The following KCTD21 variants were observed in gnomAD, a reference collection of about 807,000 sequenced individuals.
The protein encoded by KCTD21 is potassium channel tetramerization domain containing 21.
In KCTD21, 9 loss-of-function variants were observed where a neutral mutation model predicts 13.2. The observed-to-expected ratio is 0.68, with a 90% CI of 0.41 to 1.19. KCTD21 has a LOEUF of 1.19. KCTD21 is among the 50% of genes most tolerant of loss of function. KCTD21 has a pLI of 0.01. For missense variants in KCTD21, 303 were observed against 336.5 expected, an observed-to-expected ratio of 0.90 and a Z score of 0.78; for synonymous variants, 142 against 137.4, an observed-to-expected ratio of 1.03 and a Z score of -0.23.
At chr11:78,186,369 C>G (rs555997646) in intron 1 of KCTD21, among the ~76,000 whole-genome samples, 1 of 44,578 alleles carries the variant, frequency 2.2e-5, no homozygotes. Context: ...AAGACCCTGT[C>G]TCAAAAAAAA....
intron 1 of KCTD21, chr11:78,187,031 T>C (rs1486010918): frequency 8.1e-6 from 8 of 985,456 alleles, no homozygotes; most frequent in Non-Finnish European, 8.4e-6. Flanking sequence ...TCTGTTCAAT[T>C]TTCAATCTGG....
At chr11:78,181,507 G>A (rs923167437) in intron 1 of KCTD21, among the ~76,000 whole-genome samples, 1 of 152,216 alleles carries the variant, frequency 6.6e-6, no homozygotes, top group African/African-American at 2.4e-5. Context: ...GGGTTGGAGG[G>A]AAAAGACTGG....
intron 1 of KCTD21, among the ~76,000 whole-genome samples, chr11:78,178,467 C>G (rs117251851): frequency 4.6e-5 from 7 of 152,160 alleles, no homozygotes; most frequent in Admixed American, 3.3e-4. Flanking sequence ...CAGTGTCCAT[C>G]ATCACAAATC....
intron 1 of KCTD21, chr11:78,186,990 G>C (rs1404520242): frequency 1.0e-6 from 1 of 985,182 alleles, no homozygotes; most frequent in Non-Finnish European, 1.2e-6. Flanking sequence ...TTCCCCACCT[G>C]GATTTTCAAA....
Position 78,187,265 on chromosome 11 carries a change from ACCT to A in KCTD21, c.-30+1305_-30+1307del, listed in dbSNP as rs139799837. 1.6e-3 allele frequency: 1,620 copies of A among 985,048 alleles called. 24 individuals carry two copies. In the African/African-American group the frequency reaches 0.026, roughly 16 times the overall value. The allele number at this position is 985,048 out of a possible 1,614,324, so 61.0% of individuals were successfully genotyped here. A position where few individuals can be genotyped will look rare whatever the true frequency, so the allele number is the denominator to read the frequency against. On this transcript the variant is annotated intron_variant, in intron 1 of 1. Transcript: ENST00000340067. The stretch of plus-strand genomic sequence containing the variant: ...CCCCTAGGACGACTACCCTTTCTTC[ACCT>A]CCTCTTCCTGACCACCCCACATCAA...
intron 1 of KCTD21, chr11:78,188,199 A>T: frequency 3.1e-6 from 3 of 977,156 alleles, no homozygotes; most frequent in African/African-American, 1.8e-5. Flanking sequence ...TTCCGCACCC[A>T]CTCCCCAGCC....
chr11:78,181,800 A>G (rs1169595297), intron 1 of KCTD21, among the ~76,000 whole-genome samples: 1 of 151,804 alleles, frequency 6.6e-6, no homozygotes, highest in Non-Finnish European at 1.5e-5. Flanking sequence ...AAAAGTGTAA[A>G]TTTTACCATA....
chr11:78,187,162 G>C, intron 1 of KCTD21: 1 of 985,404 alleles, frequency 1.0e-6, no homozygotes, highest in Non-Finnish European at 1.2e-6. Flanking sequence ...ACAATGCTCA[G>C]AGTGAGTACT....
intron 1 of KCTD21, among the ~76,000 whole-genome samples, chr11:78,184,153 TAG>T (rs144656930): frequency 4.1e-4 from 63 of 152,308 alleles, no homozygotes; most frequent in Non-Finnish European, 6.6e-4. Context: ...ACCTTTACGA[TAG>T]AGAGATCAGG....
intron 1 of KCTD21, chr11:78,187,282 A>G (rs1306555531): frequency 1.5e-5 from 15 of 984,904 alleles, no homozygotes; most frequent in Admixed American, 6.2e-5. Flanking sequence ...CTTCCTGACC[A>G]CCCCACATCA....
intron 1 of KCTD21, 54 bp downstream of exon 1, chr11:78,188,519 C>G (rs1565389993): frequency 9.1e-6 from 9 of 985,444 alleles, no homozygotes; most frequent in Non-Finnish European, 1.1e-5. Flanking sequence ...AGTGGGCCCA[C>G]GTACCCTCGC....
rs1037286643 is a variant in KCTD21 at position 78,188,625 on chromosome 11, G to A, written c.-82C>T. On this transcript the variant is annotated 5_prime_UTR_variant, in exon 1 of 2. Coordinates refer to ENST00000340067, the MANE Select transcript of KCTD21 (RefSeq NM_001029859.3). ...CTCCGCGAGCGGCCAGCGCAGCTTT[G>A]CGAGGGGGGCGGAGGGTAGGAGCCC... 14 of 985,474 alleles carry A rather than the reference G, an allele frequency of 1.4e-5. No individual in the cohort carries two copies. The East Asian group carries it at 3.4e-4, about 24-fold the overall frequency. 61.0% of individuals were successfully genotyped at this position (985,474 alleles called of 1,614,324 possible). A position where few individuals can be genotyped will look rare whatever the true frequency, so the allele number is the denominator to read the frequency against.
chr11:78,178,026 G>A (rs1336701928), intron 1 of KCTD21: 1 of 152,324 alleles, frequency 6.6e-6, no homozygotes, highest in Non-Finnish European at 1.5e-5. Flanking sequence ...TCAGGGCAGA[G>A]GCTGGCTAGC....
At chr11:78,186,548 A>C (rs572222599) in intron 1 of KCTD21, 2 of 311,604 alleles carry the variant, frequency 6.4e-6, no homozygotes, top group Non-Finnish European at 9.3e-6. Context: ...GATGATGATC[A>C]TAACAACAAC....
rs1862302850 is a variant in KCTD21, at chr11:78,172,358, C to CT, written c.*1413dup. The CT allele has an allele frequency of 6.6e-6, 1 of 152,226 alleles. No homozygotes were observed. The allele number at this position is 152,226 out of a possible 1,614,324, so 9.4% of individuals were successfully genotyped here. The stretch of plus-strand genomic sequence containing the variant: ...TACGGTTCATACCACTCCTGGGCTC[C>CT]TTGCTGCACAGCACCCTTGGAGACC... On this transcript the variant is annotated 3_prime_UTR_variant, in exon 2 of 2. Coordinates refer to ENST00000340067, the MANE Select transcript of KCTD21 (RefSeq NM_001029859.3).
At position 78,174,354 on chromosome 11, in the gene KCTD21, G is replaced by A; in HGVS notation, c.201C>T (p.His67=). 2 of 1,614,138 alleles carry A rather than the reference G, an allele frequency of 1.2e-6. No homozygotes were observed. Among genetic ancestry groups the A allele is most frequent in the African/African-American group, 1.3e-5 (1 of 75,018 alleles). Residue 67 remains histidine, a synonymous_variant, in exon 2 of 2, where the codon CAC becomes CAT. Transcript: ENST00000340067. ...CCTGGAAGTCCTCAGGCAGGTCAAG[G>A]TGGGAGGTCCGCAGGAAGTTGAGGA... is the stretch of plus-strand genomic sequence containing the variant. ...RYILNFLRTS[H]LDLPEDFQEM...
At position 78,174,395 on chromosome 11, in the gene KCTD21, T is replaced by C. The variant is rs1862383308; in HGVS notation, c.160A>G (p.Lys54Glu). The C allele has an allele frequency of 6.2e-7, 1 of 1,613,952 alleles. No homozygotes were observed. Among genetic ancestry groups the C allele is most frequent in the Non-Finnish European group, 8.5e-7 (1 of 1,179,998 alleles). The change falls in exon 2 of 2, where the codon AAA (lysine) becomes GAA (glutamate). Residue 54 changes from lysine to glutamate, a missense_variant. Physicochemically the swap from Lys to Glu is moderately conservative, Grantham distance 56 (BLOSUM62 1). Coordinates refer to ENST00000340067, the MANE Select transcript of KCTD21 (RefSeq NM_001029859.3). ...AAGTTGAGGATATAGCGGAACACTT[T>C]GCCGTCACGGTCAATGAAGCAGTTG... Reference protein sequence around the residue: ...QGNCFIDRDGKVFRYILNFLR... With the variant: ...QGNCFIDRDGEVFRYILNFLR...
chr11:78,183,740 A>G (rs1862695065), intron 1 of KCTD21, among the ~76,000 whole-genome samples: 1 of 148,404 alleles, frequency 6.7e-6, no homozygotes, highest in Non-Finnish European at 1.5e-5. Context: ...GGTTCACGCC[A>G]TTCTCCTGCC....
chr11:78,171,524 G>GT lies in KCTD21; in HGVS notation c.*2247dup, dbSNP rs1862280294. 1 of 152,654 alleles carries GT rather than the reference G, an allele frequency of 6.6e-6. No individual in the cohort carries two copies. Among genetic ancestry groups the GT allele is most frequent in the Non-Finnish European group, 1.5e-5 (1 of 68,034 alleles). The allele number at this position is 152,654 out of a possible 1,614,324, so 9.5% of individuals were successfully genotyped here. A position where few individuals can be genotyped will look rare whatever the true frequency, so the allele number is the denominator to read the frequency against. On this transcript the variant is annotated 3_prime_UTR_variant, in exon 2 of 2. Coordinates refer to ENST00000340067, the MANE Select transcript of KCTD21 (RefSeq NM_001029859.3). ...AAAGGAGAAAGGGCAGTGGTGATTT[G>GT]TAAGATTTCTTCCTCAAATTGTTTT...
Sources: allele counts gnomAD v4.1 joint callset (sites outside exome capture counted in the v4.1 genomes callset), GRCh38; gene constraint gnomAD v4.1.1; transcripts MANE v1.5; gene names NCBI Gene and HGNC (gene_info 2026-07-23, HGNC 2026-07-21).